The following CHCHD3 variants were observed in gnomAD, a reference collection of about 807,000 sequenced individuals.
CHCHD3 encodes coiled-coil-helix-coiled-coil-helix domain containing 3.
A neutral mutation model predicts 38.2 loss-of-function variants in CHCHD3; 20 were observed. The observed-to-expected ratio is 0.52, with a 90% confidence interval of 0.37 to 0.76. The LOEUF is 0.76. CHCHD3 is among the 30% of genes least tolerant of loss of function. The pLI, the probability that CHCHD3 is intolerant of heterozygous loss-of-function variation, is 0.00. For synonymous variants in CHCHD3, 82 were observed against 100.0 expected, an observed-to-expected ratio of 0.82 and a Z score of 1.07; for missense variants, 245 against 279.2, an observed-to-expected ratio of 0.88 and a Z score of 0.87.
At chr7:133,066,565 C>T (rs1314069531) in intron 2 of CHCHD3, among the ~76,000 whole-genome samples, 1 of 151,954 alleles carries the variant, frequency 6.6e-6, no homozygotes, top group African/African-American at 2.4e-5. Context: ...CACAAGATGG[C>T]ATTCTAAGAG....
At chr7:132,805,266 G>A (rs1249023417) in intron 6 of CHCHD3, among the ~76,000 whole-genome samples, 2 of 151,882 alleles carry the variant, frequency 1.3e-5, no homozygotes, top group Non-Finnish European at 2.9e-5. Flanking sequence ...AGTACAGGCA[G>A]TATACACTAC....
chr7:132,941,642 TG>T (rs1452530453), intron 4 of CHCHD3, among the ~76,000 whole-genome samples: 1 of 152,180 alleles, frequency 6.6e-6, no homozygotes, highest in Non-Finnish European at 1.5e-5. Flanking sequence ...ACAATACCGT[TG>T]GGTTTTAATA....
At chr7:132,811,391 C>A (rs1341159557) in intron 6 of CHCHD3, among the ~76,000 whole-genome samples, 2 of 152,180 alleles carry the variant, frequency 1.3e-5, no homozygotes, top group Admixed American at 1.3e-4. Context: ...CAAGTAAGCA[C>A]CTGAAATATG....
chr7:132,790,847 C>T (rs1452004248), intron 7 of CHCHD3, among the ~76,000 whole-genome samples: 1 of 152,114 alleles, frequency 6.6e-6, no homozygotes, highest in Non-Finnish European at 1.5e-5. Flanking sequence ...AGCCAGGGGA[C>T]TGGGGTCACC....
At chr7:132,838,518 ATG>A (rs1314987766) in intron 5 of CHCHD3, 49 bp from the exon 6 acceptor site, 1 of 1,361,032 alleles carries the variant, frequency 7.3e-7, no homozygotes, top group African/African-American at 1.5e-5. Flanking sequence ...AGATGACAAA[ATG>A]TGTGGAAGAT....
chr7:132,875,759 T>TATAG (rs1808881313), intron 5 of CHCHD3, among the ~76,000 whole-genome samples: 1 of 152,252 alleles, frequency 6.6e-6, no homozygotes, highest in Non-Finnish European at 1.5e-5. Context: ...GGACTCCCTC[T>TATAG]AGTCCCCAAA....
intron 3 of CHCHD3, among the ~76,000 whole-genome samples, chr7:133,017,792 T>C (rs1238551071): frequency 6.6e-6 from 1 of 152,018 alleles, no homozygotes; most frequent in Non-Finnish European, 1.5e-5. Flanking sequence ...AAAAAAGAAA[T>C]AAAACAATAA....
chr7:132,839,762 G>A (rs2117097702), intron 5 of CHCHD3, among the ~76,000 whole-genome samples: 1 of 152,298 alleles, frequency 6.6e-6, no homozygotes, highest in Middle Eastern at 3.4e-3. Context: ...AAATCAATAG[G>A]TATGTGATTA....
chr7:132,972,682 G>GGAA, intron 4 of CHCHD3: 1 of 985,410 alleles, frequency 1.0e-6, no homozygotes, highest in Non-Finnish European at 1.2e-6. Flanking sequence ...ACTCTGGGAA[G>GGAA]GAAGGGACTC....
At chr7:133,011,401 A>T (rs1562937205) in intron 3 of CHCHD3, among the ~76,000 whole-genome samples, 1 of 152,252 alleles carries the variant, frequency 6.6e-6, no homozygotes, top group Non-Finnish European at 1.5e-5. Flanking sequence ...AATACTACAA[A>T]TGAGAAATGG....
chr7:132,949,078 T>C (rs1810973095), intron 4 of CHCHD3, among the ~76,000 whole-genome samples: 1 of 152,200 alleles, frequency 6.6e-6, no homozygotes, highest in African/African-American at 2.4e-5. Flanking sequence ...CTAAATAGTT[T>C]TGAAAATTGG....
At position 132,806,478 on chromosome 7, in the gene CHCHD3, T is replaced by C. The variant is rs144690440; in HGVS notation, c.525-9901A>G. On this transcript the variant is annotated intron_variant, in intron 6 of 7. Coordinates refer to ENST00000262570, the MANE Select transcript of CHCHD3 (RefSeq NM_017812.4). ...AGGGACACATCTGGCAACAGTAAAA[T>C]ACCAAAGGGAAGGATTACATCTGGC... 7.8e-3 allele frequency among the ~76,000 whole-genome samples: 1,184 copies of C among 152,028 alleles called. 19 individuals carry two copies. The highest frequency in any genetic ancestry group is 0.026 in the African/African-American group (1,097 of 41,456).
chr7:132,907,042 T>G (rs1339918473), intron 4 of CHCHD3, among the ~76,000 whole-genome samples: 1 of 152,166 alleles, frequency 6.6e-6, no homozygotes, highest in Non-Finnish European at 1.5e-5. Context: ...CCTATATACA[T>G]GCTAACATGT....
intron 3 of CHCHD3, among the ~76,000 whole-genome samples, chr7:132,979,522 G>A (rs1259876807): frequency 2.6e-5 from 4 of 152,204 alleles, no homozygotes; most frequent in African/African-American, 7.2e-5. Context: ...GGGTGGGACT[G>A]ATATTTAACT....
chr7:132,911,910 T>C (rs539969562), intron 4 of CHCHD3, among the ~76,000 whole-genome samples: 3 of 152,320 alleles, frequency 2.0e-5, no homozygotes, highest in South Asian at 2.1e-4. Context: ...TAATGGAACA[T>C]TAACATGTCT....
At chr7:132,800,760 T>A (rs1806769661) in intron 6 of CHCHD3, among the ~76,000 whole-genome samples, 2 of 151,732 alleles carry the variant, frequency 1.3e-5, no homozygotes, top group South Asian at 2.1e-4. Context: ...ACAGATACTA[T>A]GATGAAATAC....
chr7:133,011,154 G>A (rs1457316264), intron 3 of CHCHD3, among the ~76,000 whole-genome samples: 6 of 152,190 alleles, frequency 3.9e-5, no homozygotes, highest in Non-Finnish European at 5.9e-5. Context: ...TGTTCAATGA[G>A]AGGGTGGTAA....
chr7:132,870,402 T>C (rs1808739098), intron 5 of CHCHD3, among the ~76,000 whole-genome samples: 1 of 151,770 alleles, frequency 6.6e-6, no homozygotes, highest in Non-Finnish European at 1.5e-5. Flanking sequence ...TCAACCTGTG[T>C]TTCCAGATTC....
intron 6 of CHCHD3, among the ~76,000 whole-genome samples, chr7:132,808,805 T>C (rs965381961): frequency 1.3e-5 from 2 of 151,934 alleles, no homozygotes; most frequent in African/African-American, 4.8e-5. Flanking sequence ...TACATATGTA[T>C]ACATGTGCCA....
Sources: gnomAD v4.1 joint callset for allele counts (sites outside exome capture counted in the v4.1 genomes callset) on GRCh38, gnomAD v4.1.1 for gene constraint, MANE v1.5 for transcripts, NCBI Gene and HGNC (gene_info 2026-07-23, HGNC 2026-07-21) for gene names.